The following UGGT1 variants were observed in gnomAD, a reference collection of about 807,000 sequenced individuals.
UGGT1 encodes the protein UDP-glucose glycoprotein glucosyltransferase 1.
A neutral mutation model predicts 203.9 loss-of-function variants in UGGT1; 107 were observed. The observed-to-expected ratio is 0.52, with a 90% CI of 0.45 to 0.62. The LOEUF (loss-of-function observed/expected upper bound fraction) is 0.62, where lower values mean the gene tolerates loss of function less well. Among genes scored for constraint, UGGT1 ranks in the 20% least tolerant of loss-of-function variants. UGGT1 has a pLI of 0.00. For synonymous variants in UGGT1, 628 were observed against 653.5 expected (o/e 0.96, Z 0.59); for missense variants, 1,673 against 1,867.2 (o/e 0.90, Z 1.92).
chr2:128,150,277 TA>T (rs1199231898), intron 18 of UGGT1, among the ~76,000 whole-genome samples: 1 of 151,692 alleles, frequency 6.6e-6, no homozygotes, highest in Non-Finnish European at 1.5e-5. Context: ...CTCTACAAAA[TA>T]AAAAAAATTA....
intron 19 of UGGT1, among the ~76,000 whole-genome samples, chr2:128,154,060 TACACACAC>T (rs10597837): frequency 5.3e-5 from 8 of 149,796 alleles, no homozygotes; most frequent in Admixed American, 2.7e-4. Flanking sequence ...CATGTATATA[TACACACAC>T]ACACACACAC....
At chr2:128,106,732 T>C (rs4446031) in intron 3 of UGGT1, among the ~76,000 whole-genome samples, 12,234 of 152,146 alleles carry the variant, frequency 0.08, 1,260 homozygotes, top group African/African-American at 0.24. Flanking sequence ...ATATTTTTAA[T>C]AGAGATGGGG....
At chr2:128,183,003 G>A (rs1421911656) in intron 37 of UGGT1, among the ~76,000 whole-genome samples, 1 of 149,662 alleles carries the variant, frequency 6.7e-6, no homozygotes, top group African/African-American at 2.5e-5. Context: ...TTATTCCAGT[G>A]TGTGAGTGTT....
In UGGT1 at chr2:128,129,609, G is replaced by C. The variant is rs1688780978; in HGVS notation, c.1377+430G>C. 2.6e-5 allele frequency among the ~76,000 whole-genome samples: 4 copies of C among 152,036 alleles called. No homozygotes were observed. In the South Asian group the frequency reaches 8.3e-4, roughly 32 times the overall value. ...AGACGGGGTTTCACAATATTGGTCA[G>C]GCTGGTCTCAAACTCCTGACCTCAG... is the stretch of plus-strand genomic sequence containing the variant. On this transcript the variant is annotated intron_variant, in intron 13 of 40. Transcript: ENST00000259253.
intron 40 of UGGT1, among the ~76,000 whole-genome samples, chr2:128,189,333 T>C (rs1226922720): frequency 6.6e-6 from 1 of 152,178 alleles, no homozygotes; most frequent in Non-Finnish European, 1.5e-5. Context: ...CTATTACTTA[T>C]AAGCCAGAAG....
At chr2:128,189,688 T>C (rs202088678) in intron 40 of UGGT1, 29 bp from the exon 41 acceptor site, 188 of 1,605,528 alleles carry the variant, frequency 1.2e-4, no homozygotes, top group Non-Finnish European at 1.5e-4. Flanking sequence ...ATCATCTGTT[T>C]TCTTTTCTGT....
intron 29 of UGGT1, 141 bp downstream of exon 29, chr2:128,172,903 A>C: frequency 1.3e-6 from 1 of 773,262 alleles, no homozygotes; most frequent in Non-Finnish European, 2.0e-6. Flanking sequence ...TGGAACTCAT[A>C]TACCATAAAA....
chr2:128,170,820 ACAGTCGCTC>A (rs1691058382), intron 27 of UGGT1, among the ~76,000 whole-genome samples: 1 of 152,216 alleles, frequency 6.6e-6, no homozygotes, highest in Non-Finnish European at 1.5e-5. Flanking sequence ...TTTGACAAAG[ACAGTCGCTC>A]CAACATTCAT....
chr2:128,124,213 TG>T (rs1218303994), intron 11 of UGGT1, among the ~76,000 whole-genome samples: 1 of 152,228 alleles, frequency 6.6e-6, no homozygotes, highest in Non-Finnish European at 1.5e-5. Flanking sequence ...CCCAAAGTGC[TG>T]GGATTACAGG....
At chr2:128,144,336 G>T (rs2105461285) in intron 17 of UGGT1, among the ~76,000 whole-genome samples, 1 of 152,282 alleles carries the variant, frequency 6.6e-6, no homozygotes, top group Non-Finnish European at 1.5e-5. Context: ...GCTGCATTCT[G>T]TTATTTGGTC....
intron 13 of UGGT1, among the ~76,000 whole-genome samples, chr2:128,130,239 T>G (rs1573542049): frequency 7.2e-6 from 1 of 138,660 alleles, no homozygotes; most frequent in African/African-American, 2.8e-5. Flanking sequence ...CCAGTCTGGG[T>G]GACAGAGCAA....
chr2:128,153,133 T>G (rs1169362926), intron 19 of UGGT1, among the ~76,000 whole-genome samples: 1 of 152,166 alleles, frequency 6.6e-6, no homozygotes, highest in Non-Finnish European at 1.5e-5. Flanking sequence ...GGCAAAACCC[T>G]GTGAACTTTG....
intron 3 of UGGT1, among the ~76,000 whole-genome samples, 154 bp downstream of exon 3, chr2:128,104,168 A>G (rs1687502928): frequency 6.6e-6 from 1 of 152,242 alleles, no homozygotes; most frequent in African/African-American, 2.4e-5. Flanking sequence ...GAGCCAACAC[A>G]ACACAAATTA....
intron 17 of UGGT1, 39 bp from the exon 18 acceptor site, chr2:128,145,764 G>A: frequency 6.7e-7 from 1 of 1,493,916 alleles, no homozygotes; most frequent in Non-Finnish European, 8.9e-7. Context: ...TCTCACAAAA[G>A]GCAAAAATAT....
chr2:128,176,808 G>T lies in UGGT1; in HGVS notation c.3540-6G>T, dbSNP rs767624714. On this transcript the variant is annotated splice_polypyrimidine_tract_variant and splice_region_variant and intron_variant, in intron 31 of 40. Transcript: ENST00000259253. The stretch of plus-strand genomic sequence containing the variant: ...TTGTAATATTGATCTTTCTTTTCTC[G>T]CAAAGCCACGATGGCACTGATTCTC... The T allele has an allele frequency of 2.5e-6, 4 of 1,612,868 alleles. No homozygotes were observed. Among genetic ancestry groups the T allele is most frequent in the Non-Finnish European group, 2.5e-6 (3 of 1,179,566 alleles).
intron 8 of UGGT1, among the ~76,000 whole-genome samples, chr2:128,117,080 ATTT>A (rs2105378475): frequency 6.6e-6 from 1 of 152,092 alleles, no homozygotes; most frequent in Non-Finnish European, 1.5e-5. Context: ...TTTTATTATT[ATTT>A]TTTATTTATT....
chr2:128,159,075 G>A (rs998458503), intron 22 of UGGT1, among the ~76,000 whole-genome samples: 12 of 151,152 alleles, frequency 7.9e-5, no homozygotes, highest in Non-Finnish European at 1.6e-4. Flanking sequence ...TTTGAATGAG[G>A]AGGAGAACTA....
At chr2:128,181,787 C>G (rs1238448775) in intron 36 of UGGT1, among the ~76,000 whole-genome samples, 1 of 152,216 alleles carries the variant, frequency 6.6e-6, no homozygotes, top group East Asian at 1.9e-4. Flanking sequence ...ATCTGTCCAT[C>G]CATATGTTAA....
Position 128,160,595 on chromosome 2 carries a change from A to G in UGGT1, c.2694+4A>G. On this transcript the variant is annotated splice_donor_region_variant and intron_variant, in intron 24 of 40. Coordinates refer to ENST00000259253, the MANE Select transcript of UGGT1 (RefSeq NM_020120.4). ...GGCAGTGATCAGCAATGGAAGGGTGAGGATTTGTCAAGCTTGACTTCACAT... is the reference window on the plus strand; with the variant it reads ...GGCAGTGATCAGCAATGGAAGGGTGGGGATTTGTCAAGCTTGACTTCACAT... 6.2e-7 allele frequency: 1 copy of G among 1,609,158 alleles called. No homozygotes were observed. Among genetic ancestry groups the G allele is most frequent in the East Asian group, 2.2e-5 (1 of 44,812 alleles).
Sources: gnomAD v4.1 joint callset for allele counts (sites outside exome capture counted in the v4.1 genomes callset) on GRCh38, gnomAD v4.1.1 for gene constraint, MANE v1.5 for transcripts, NCBI Gene and HGNC (gene_info 2026-07-23, HGNC 2026-07-21) for gene names.